SPTBN1: variants seen among roughly 807,000 people sequenced by gnomAD.
The protein encoded by SPTBN1 is spectrin beta, non-erythrocytic 1, also known as spectrin beta chain, non-erythrocytic 1.
SPTBN1 carries 32 observed loss-of-function variants against 266.4 expected under a neutral mutation model. That is an observed-to-expected ratio of 0.12 (90% confidence interval 0.09 to 0.16). The LOEUF (loss-of-function observed/expected upper bound fraction) is 0.16. SPTBN1 is among the 10% of genes least tolerant of loss of function. The pLI, the probability that SPTBN1 is intolerant of heterozygous loss-of-function variation, is 1.00. For missense variants in SPTBN1, 2,296 were observed against 3,067.1 expected, an observed-to-expected ratio of 0.75 and a Z score of 5.94; for synonymous variants, 1,336 against 1,162.2, an observed-to-expected ratio of 1.15 and a Z score of -3.04.
intron 1 of SPTBN1, among the ~76,000 whole-genome samples, chr2:54,497,123 C>T (rs1044764735): frequency 1.3e-5 from 2 of 152,186 alleles, no homozygotes; most frequent in East Asian, 1.9e-4. Context: ...GGGCCCCCAC[C>T]AGGAAACCAG....
At chr2:54,478,220 G>T (rs1213575634) in intron 1 of SPTBN1, among the ~76,000 whole-genome samples, 2 of 152,086 alleles carry the variant, frequency 1.3e-5, no homozygotes, top group African/African-American at 4.8e-5. Flanking sequence ...TCTTCCCCGG[G>T]GAAGAGATTT....
chr2:54,603,129 GCCCT>G (rs948785455), intron 3 of SPTBN1, among the ~76,000 whole-genome samples: 2 of 152,198 alleles, frequency 1.3e-5, no homozygotes, highest in African/African-American at 2.4e-5. Flanking sequence ...GGGGAGATGA[GCCCT>G]CTGGACAGGA....
At chr2:54,625,747 C>G (rs1017891016) in intron 11 of SPTBN1, among the ~76,000 whole-genome samples, 185 bp from the exon 12 acceptor site, 1 of 152,050 alleles carries the variant, frequency 6.6e-6, no homozygotes, top group African/African-American at 2.4e-5. Context: ...CGTGCCACCA[C>G]GCCCGGCTAA....
chr2:54,499,391 C>G (rs1669135443), intron 1 of SPTBN1, among the ~76,000 whole-genome samples: 1 of 152,074 alleles, frequency 6.6e-6, no homozygotes, highest in Non-Finnish European at 1.5e-5. Flanking sequence ...ATATTTCAGC[C>G]CCAACATTCA....
At position 54,649,855 on chromosome 2, in the gene SPTBN1, AAGG is replaced by A; in HGVS notation, c.5446_5448del (p.Glu1816del). 1 of 1,614,198 alleles carries A rather than the reference AAGG, an allele frequency of 6.2e-7. No individual in the cohort carries two copies. Among genetic ancestry groups the A allele is most frequent in the African/African-American group, 1.3e-5 (1 of 75,044 alleles). ...ACTGCACAAGTTTTACCACGATGCCAAGGAGATCTTTGGGCGTATACAGGACAA... is the reference window on the plus strand; with the variant it reads ...ACTGCACAAGTTTTACCACGATGCCAAGATCTTTGGGCGTATACAGGACAA... On this transcript the variant is annotated inframe_deletion, in exon 26 of 36. Transcript: ENST00000356805. The surrounding 1 kb of genome is among the most constrained non-coding windows in gnomAD (Gnocchi z 6.7).
In SPTBN1 at chr2:54,606,442, A is replaced by G. The variant is rs531693246; in HGVS notation, c.301-5719A>G. On this transcript the variant is annotated intron_variant, in intron 3 of 35. Transcript: ENST00000356805. ...AGCACATGTAGCTGGACCACTCACT[A>G]TCTCACTGCTCAGGTGCACGAACTG... 6.6e-5 allele frequency among the ~76,000 whole-genome samples: 10 copies of G among 152,302 alleles called. No homozygotes were observed. The East Asian group carries it at 1.9e-3, about 29-fold the overall frequency.
chr2:54,463,200 G>T lies in SPTBN1; in HGVS notation c.-48+6682G>T, dbSNP rs114670857. Among the ~76,000 whole-genome samples the T allele has an allele frequency of 3.3e-3, 501 of 152,308 alleles. 4 individuals are homozygous for T. Among genetic ancestry groups the T allele is most frequent in the African/African-American group, 0.011 (462 of 41,564 alleles). ...CAATCCTATGCGAAGCTATTTGTAGGGTAAATGGATGGCAGGATGGATGGG... is the reference window on the plus strand; with the variant it reads ...CAATCCTATGCGAAGCTATTTGTAGTGTAAATGGATGGCAGGATGGATGGG... On this transcript the variant is annotated intron_variant, in intron 1 of 35. Transcript: ENST00000356805.
At chr2:54,527,582 G>C (rs1309359268) in intron 2 of SPTBN1, 1 of 152,090 alleles carries the variant, frequency 6.6e-6, no homozygotes, top group East Asian at 1.9e-4. Context: ...CTTACTCCTG[G>C]ACTTAAATGG....
At chr2:54,663,765 C>A (rs115137206) in intron 32 of SPTBN1, 1 of 152,222 alleles carries the variant, frequency 6.6e-6, no homozygotes. Context: ...AACCCACTCA[C>A]GATACAACTT....
At chr2:54,564,410 C>T (rs1348272651) in intron 2 of SPTBN1, among the ~76,000 whole-genome samples, 6 of 152,188 alleles carry the variant, frequency 3.9e-5, no homozygotes, top group Non-Finnish European at 8.8e-5. Context: ...CTCACTGCTG[C>T]TTCGTCTGCT....
At chr2:54,529,595 G>A (rs755370228) in intron 2 of SPTBN1, 1 of 722,242 alleles carries the variant, frequency 1.4e-6, no homozygotes, top group South Asian at 1.3e-5. Context: ...TCTGACCACT[G>A]AGTTTGCCAT....
chr2:54,487,832 C>CTTTTTTTTT (rs70944169), intron 1 of SPTBN1, among the ~76,000 whole-genome samples: 3,706 of 68,432 alleles, frequency 0.054, 951 homozygotes, highest in Middle Eastern at 0.093. Flanking sequence ...CCTCCTGTGT[C>CTTTTTTTTT]TTTTTTTTTT....
At chr2:54,562,158 A>C (rs1473231324) in intron 2 of SPTBN1, among the ~76,000 whole-genome samples, 1 of 152,208 alleles carries the variant, frequency 6.6e-6, no homozygotes, top group African/African-American at 2.4e-5. Context: ...AATACAGCAA[A>C]ACCCAACCTC....
chr2:54,612,484 G>A (rs910001196), intron 4 of SPTBN1, 150 bp downstream of exon 4: 49 of 885,798 alleles, frequency 5.5e-5, no homozygotes, highest in Non-Finnish European at 7.2e-5. Context: ...CCAGCCCTCA[G>A]AATTGAATGC....
intron 10 of SPTBN1, among the ~76,000 whole-genome samples, 194 bp downstream of exon 10, chr2:54,623,790 T>C (rs745495520): frequency 2.0e-5 from 3 of 152,206 alleles, no homozygotes; most frequent in Non-Finnish European, 4.4e-5. Context: ...TGCTGGAGGC[T>C]TCAGGGGGCA....
intron 1 of SPTBN1, among the ~76,000 whole-genome samples, chr2:54,522,678 G>GAGAGAGA (rs370803474): frequency 3.3e-4 from 26 of 78,448 alleles, no homozygotes; most frequent in Middle Eastern, 5.1e-3. Flanking sequence ...GAGAGAGAGA[G>GAGAGAGA]GAGAGAGAGA....
chr2:54,630,293 A>T (rs1678646387), intron 15 of SPTBN1, among the ~76,000 whole-genome samples: 1 of 152,224 alleles, frequency 6.6e-6, no homozygotes, highest in Non-Finnish European at 1.5e-5. Flanking sequence ...CCTTGGTTTG[A>T]CCTGTGTCCA....
At position 54,558,753 on chromosome 2, in the gene SPTBN1, T is replaced by G. The variant is rs776033667; in HGVS notation, c.148+32187T>G. 6.2e-7 allele frequency: 1 copy of G among 1,605,376 alleles called. No individual in the cohort carries two copies. Among genetic ancestry groups the G allele is most frequent in the Non-Finnish European group, 8.5e-7 (1 of 1,174,440 alleles). Reference sequence around the variant, plus strand: ...CTGGAGCGAGATTTCCAGGGCGCAGTCCTCCGGGGCGTTACGCCGGGCATA... The same window carrying G: ...CTGGAGCGAGATTTCCAGGGCGCAGGCCTCCGGGGCGTTACGCCGGGCATA... On this transcript the variant is annotated intron_variant, in intron 2 of 35. Transcript: ENST00000356805. The surrounding 1 kb of genome is among the most constrained non-coding windows in gnomAD (Gnocchi z 4.6).
intron 17 of SPTBN1, among the ~76,000 whole-genome samples, chr2:54,634,050 C>G (rs1189114981): frequency 2.6e-5 from 4 of 152,200 alleles, no homozygotes; most frequent in Non-Finnish European, 5.9e-5. Flanking sequence ...GCAAAGCATT[C>G]ATAACCTAGG....
Sources: allele counts gnomAD v4.1 joint callset (sites outside exome capture counted in the v4.1 genomes callset), GRCh38; gene constraint gnomAD v4.1.1; non-coding constraint Gnocchi (gnomAD v3.1); transcripts MANE v1.5; gene names NCBI Gene and HGNC (gene_info 2026-07-23, HGNC 2026-07-21).